The following OR2L13 variants were observed in gnomAD, a reference collection of about 807,000 sequenced individuals.
OR2L13 encodes olfactory receptor family 2 subfamily L member 13, also known as olfactory receptor 2L13.
In OR2L13, 14 loss-of-function variants were observed where a neutral mutation model predicts 15.3. That is an observed-to-expected ratio of 0.91 (90% CI 0.60 to 1.43). OR2L13 has a LOEUF of 1.43. OR2L13 is among the 40% of genes most tolerant of loss of function. The pLI, the probability that OR2L13 is intolerant of heterozygous loss-of-function variation, is 0.00. For synonymous variants in OR2L13, 152 were observed against 142.9 expected, an observed-to-expected ratio of 1.06 and a Z score of -0.45; for missense variants, 367 against 387.9, an observed-to-expected ratio of 0.95 and a Z score of 0.45.
At chr1:248,090,928 C>A (rs1664582543), upstream of OR2L13, among the ~76,000 whole-genome samples, 1 of 152,186 alleles carries the variant, frequency 6.6e-6, no homozygotes, top group African/African-American at 2.4e-5. Context: ...TCCCTTTTCT[C>A]TGCATCCTCA....
chr1:248,069,558 C>T, the OR2L13 span, among the ~76,000 whole-genome samples: 7 of 152,176 alleles, frequency 4.6e-5, no homozygotes, highest in South Asian at 2.1e-4. Context: ...AGGAAGAAAC[C>T]GCATCAACTG....
At chr1:248,080,763 G>A in the OR2L13 span, among the ~76,000 whole-genome samples, 6,225 of 152,198 alleles carry the variant, frequency 0.041, 422 homozygotes, top group African/African-American at 0.14. Context: ...ATAGTAGAAT[G>A]GTTTCTAATC....
chr1:248,014,402 T>C, the OR2L13 span, among the ~76,000 whole-genome samples: 3 of 152,134 alleles, frequency 2.0e-5, no homozygotes, highest in East Asian at 3.9e-4. Flanking sequence ...ATGCTATGGG[T>C]ATCCAAATTT....
the OR2L13 span, among the ~76,000 whole-genome samples, chr1:248,072,184 A>G: frequency 5.6e-4 from 85 of 152,224 alleles, no homozygotes; most frequent in African/African-American, 1.9e-3. Context: ...ATCCTAAGCC[A>G]AAAGAACAAA....
At chr1:248,036,479 G>GT in the OR2L13 span, among the ~76,000 whole-genome samples, 1 of 152,148 alleles carries the variant, frequency 6.6e-6, no homozygotes, top group African/African-American at 2.4e-5. Flanking sequence ...GTTTGTGATA[G>GT]TTTTAACTCA....
the OR2L13 span, among the ~76,000 whole-genome samples, chr1:248,001,600 G>T: frequency 0.044 from 6,610 of 151,606 alleles, 460 homozygotes; most frequent in African/African-American, 0.15. Flanking sequence ...GTAAATAAAA[G>T]AATAAAATTT....
chr1:248,027,042 C>G, the OR2L13 span, among the ~76,000 whole-genome samples: 1 of 152,172 alleles, frequency 6.6e-6, no homozygotes. Context: ...CCATATTTCT[C>G]TTCTTTCAAA....
At chr1:247,992,744 A>G in the OR2L13 span, among the ~76,000 whole-genome samples, 2 of 152,112 alleles carry the variant, frequency 1.3e-5, no homozygotes, top group Non-Finnish European at 2.9e-5. Context: ...TTCATGGTGT[A>G]TATGTAGCAT....
the OR2L13 span, among the ~76,000 whole-genome samples, chr1:248,004,465 G>T: frequency 2.6e-5 from 4 of 152,080 alleles, no homozygotes; most frequent in African/African-American, 9.7e-5. Context: ...AATATCTCTT[G>T]ACTTGGTGGA....
At chr1:247,978,424 G>T in the OR2L13 span, among the ~76,000 whole-genome samples, 9 of 152,142 alleles carry the variant, frequency 5.9e-5, no homozygotes, top group Non-Finnish European at 7.4e-5. Context: ...TTTAACAAAA[G>T]ATTTGGCATA....
At chr1:248,061,425 T>A in the OR2L13 span, 1 of 1,614,106 alleles carries the variant, frequency 6.2e-7, no homozygotes, top group Non-Finnish European at 8.5e-7. Context: ...CTGTAGTAAC[T>A]TTCTACTATG....
the OR2L13 span, among the ~76,000 whole-genome samples, chr1:248,050,387 T>C: frequency 3.3e-5 from 5 of 152,142 alleles, no homozygotes; most frequent in Non-Finnish European, 5.9e-5. Context: ...TATTTTTACA[T>C]AAGAAAAAAT....
At chr1:247,963,772 G>GT in the OR2L13 span, among the ~76,000 whole-genome samples, 1 of 152,084 alleles carries the variant, frequency 6.6e-6, no homozygotes, top group Non-Finnish European at 1.5e-5. Flanking sequence ...TACAAAAAGG[G>GT]TTTCCAGTTC....
At chr1:247,976,653 A>C in the OR2L13 span, among the ~76,000 whole-genome samples, 1 of 152,318 alleles carries the variant, frequency 6.6e-6, no homozygotes, top group East Asian at 1.9e-4. Flanking sequence ...ATAATCAATC[A>C]ATCTAGACTG....
chr1:247,957,365 T>C, the OR2L13 span, among the ~76,000 whole-genome samples: 1 of 152,200 alleles, frequency 6.6e-6, no homozygotes, highest in African/African-American at 2.4e-5. Context: ...CTGAGGATTT[T>C]TGCGTCGATG....
chr1:248,017,199 G>A, the OR2L13 span, among the ~76,000 whole-genome samples: 1 of 152,164 alleles, frequency 6.6e-6, no homozygotes, highest in Admixed American at 6.5e-5. Flanking sequence ...GTTTTTAAAT[G>A]GGCTTAAAAT....
the OR2L13 span, chr1:248,084,285 G>T: frequency 6.2e-7 from 1 of 1,611,668 alleles, no homozygotes; most frequent in South Asian, 1.1e-5. Context: ...ACCACCCAGT[G>T]TGGGGAGGAA....
At chr1:248,058,455 G>C in the OR2L13 span, among the ~76,000 whole-genome samples, 257 of 152,112 alleles carry the variant, frequency 1.7e-3, no homozygotes, top group African/African-American at 6.0e-3. Context: ...TCTGCACCAA[G>C]GGGTTGACAA....
At chr1:247,973,952 C>T in the OR2L13 span, among the ~76,000 whole-genome samples, 1 of 152,150 alleles carries the variant, frequency 6.6e-6, no homozygotes, top group African/African-American at 2.4e-5. Flanking sequence ...GATTATAAAT[C>T]GCTCTAGTAT....
Sources: gnomAD v4.1 joint callset for allele counts (sites outside exome capture counted in the v4.1 genomes callset) on GRCh38, gnomAD v4.1.1 for gene constraint, MANE v1.5 for transcripts, NCBI Gene and HGNC (gene_info 2026-07-23, HGNC 2026-07-21) for gene names.